The following THRAP3 variants were observed in gnomAD, a reference collection of about 807,000 sequenced individuals.
THRAP3 encodes the protein thyroid hormone receptor-associated protein 3.
THRAP3 carries 16 observed loss-of-function variants against 101.0 expected under a neutral mutation model. That is an observed-to-expected ratio of 0.16 (90% CI 0.11 to 0.24). The LOEUF (loss-of-function observed/expected upper bound fraction) is 0.24, where lower values mean the gene tolerates loss of function less well. Ranked by LOEUF, THRAP3 falls within the 10% of genes least tolerant of loss-of-function variation. The pLI, the probability that THRAP3 is intolerant of heterozygous loss-of-function variation, is 1.00. For synonymous variants in THRAP3, 407 were observed against 422.6 expected (o/e 0.96, Z 0.45); for missense variants, 989 against 1,202.7 (o/e 0.82, Z 2.63).
intron 1 of THRAP3, among the ~76,000 whole-genome samples, chr1:36,258,895 T>A (rs1265247668): frequency 6.6e-6 from 1 of 152,250 alleles, no homozygotes. Context: ...TGGACATAGC[T>A]TTGATGTATG....
chr1:36,293,028 C>CTTTTTTTTT (rs71053920), intron 7 of THRAP3, among the ~76,000 whole-genome samples: 23,105 of 82,322 alleles, frequency 0.28, 6,774 homozygotes, highest in South Asian at 0.37. Flanking sequence ...CTTTTCTTGT[C>CTTTTTTTTT]TTTTTTTTTT....
rs58306701 is a variant in THRAP3 at position 36,253,760 on chromosome 1, A to ATTTTTTTTTTTT, written c.-134-5614_-134-5603dup. ...AGGCGTACACCATTGAGTCAGGCTAATTTTTTTTTTTTTTTTTTTAGTTTT... is the reference window on the plus strand; with the variant it reads ...AGGCGTACACCATTGAGTCAGGCTAATTTTTTTTTTTTTTTTTTTTTTTTTTTTTTTAGTTTT... On this transcript the variant is annotated intron_variant, in intron 1 of 11. Coordinates refer to ENST00000354618, the MANE Select transcript of THRAP3 (RefSeq NM_005119.4). Among the ~76,000 whole-genome samples the ATTTTTTTTTTTT allele has an allele frequency of 3.2e-3, 317 of 100,180 alleles. 14 individuals carry two copies. The highest frequency in any genetic ancestry group is 0.011 in the East Asian group (37 of 3,330). 65.7% of individuals were successfully genotyped at this position (100,180 alleles called of 152,430 possible). A position where few individuals can be genotyped will look rare whatever the true frequency, so the allele number is the denominator to read the frequency against.
Position 36,282,533 on chromosome 1 carries a change from G to A in THRAP3, c.-31G>A. On this transcript the variant is annotated splice_region_variant and 5_prime_UTR_variant, in exon 3 of 12. The change creates a new upstream start codon in the 5' untranslated region. Transcript: ENST00000354618. ...GTTCTAATGCATTTTCTTACATTAG[G>A]TGTAATTGAAAAGTGATCCTCTCTT... The A allele has an allele frequency of 6.2e-7, 1 of 1,607,464 alleles. No individual in the cohort carries two copies. The highest frequency in any genetic ancestry group is 8.5e-7 in the Non-Finnish European group (1 of 1,175,764).
chr1:36,279,334 G>C (rs543995657), intron 2 of THRAP3, among the ~76,000 whole-genome samples: 1 of 152,138 alleles, frequency 6.6e-6, no homozygotes, highest in African/African-American at 2.4e-5. Flanking sequence ...GGCAGACATA[G>C]ATAGATATCC....
chr1:36,222,011 C>T (rs1644905038), upstream of THRAP3, among the ~76,000 whole-genome samples: 1 of 152,032 alleles, frequency 6.6e-6, no homozygotes, highest in South Asian at 2.1e-4. Flanking sequence ...AGGGTTTCAT[C>T]ATGTTGGCCA....
At chr1:36,268,925 C>T (rs542030314) in intron 2 of THRAP3, among the ~76,000 whole-genome samples, 6 of 152,390 alleles carry the variant, frequency 3.9e-5, no homozygotes, top group East Asian at 1.9e-4. Context: ...GGGGTTTCAC[C>T]ATGTTGGCCA....
chr1:36,234,967 C>T (rs564364106), intron 1 of THRAP3, among the ~76,000 whole-genome samples: 15 of 152,246 alleles, frequency 9.9e-5, no homozygotes, highest in African/African-American at 3.6e-4. Flanking sequence ...GCATCCACTA[C>T]CGCGCCTGGC....
chr1:36,247,573 G>A (rs1256452256), intron 1 of THRAP3, among the ~76,000 whole-genome samples: 3 of 151,676 alleles, frequency 2.0e-5, no homozygotes, highest in Non-Finnish European at 1.5e-5. Flanking sequence ...TGATCCACCC[G>A]CCTCAGCCTC....
rs1204123989 is a variant in THRAP3 at position 36,244,011 on chromosome 1, G to A, written c.-134-15371G>A. On this transcript the variant is annotated intron_variant, in intron 1 of 11. Transcript: ENST00000354618. ...TCCCTCCCGGACGGGGCGGCTGGCC[G>A]GGCGGGGGGCTGACCCCCCCACCTC... Among the ~76,000 whole-genome samples the A allele has an allele frequency of 2.7e-3, 377 of 137,978 alleles. 2 individuals carry two copies. Among genetic ancestry groups the A allele is most frequent in the African/African-American group, 9.2e-3 (342 of 37,232 alleles). 90.5% of individuals were successfully genotyped at this position (137,978 alleles called of 152,430 possible).
chr1:36,281,850 T>G (rs1030803319), intron 2 of THRAP3, among the ~76,000 whole-genome samples: 3 of 151,972 alleles, frequency 2.0e-5, no homozygotes, highest in Admixed American at 2.0e-4. Context: ...CCGGGCAGAT[T>G]ACCTGAGGTC....
chr1:36,303,690 G>T, intron 11 of THRAP3, 106 bp from the exon 12 acceptor site: 1 of 1,543,226 alleles, frequency 6.5e-7, no homozygotes. Flanking sequence ...GGCTGGGTTA[G>T]GGCACAGGTT....
At chr1:36,285,957 A>G (rs1343424236) in intron 3 of THRAP3, among the ~76,000 whole-genome samples, 1 of 152,208 alleles carries the variant, frequency 6.6e-6, no homozygotes, top group African/African-American at 2.4e-5. Flanking sequence ...TCTAGGTACC[A>G]CAGCTCACAG....
chr1:36,239,290 C>T (rs7545668), intron 1 of THRAP3, among the ~76,000 whole-genome samples: 1,698 of 127,174 alleles, frequency 0.013, 39 homozygotes, highest in African/African-American at 0.047. Context: ...GTCAGCTTCT[C>T]GCTCTATTAC....
At chr1:36,266,341 C>T (rs750686450) in intron 2 of THRAP3, among the ~76,000 whole-genome samples, 1 of 152,088 alleles carries the variant, frequency 6.6e-6, no homozygotes, top group South Asian at 2.1e-4. Context: ...TGACAAACAA[C>T]AACAACAACA....
chr1:36,213,525 A>AT, the THRAP3 span, among the ~76,000 whole-genome samples: 1 of 151,954 alleles, frequency 6.6e-6, no homozygotes. Context: ...TTCCTCTGAG[A>AT]TTTTGAAGCT....
chr1:36,227,524 C>T (rs371428632), intron 1 of THRAP3, among the ~76,000 whole-genome samples: 6 of 152,070 alleles, frequency 3.9e-5, no homozygotes, highest in African/African-American at 1.2e-4. Flanking sequence ...TTAGGTGATC[C>T]GCCTGCCTCG....
chr1:36,258,118 C>T (rs962901730), intron 1 of THRAP3, among the ~76,000 whole-genome samples: 2 of 152,190 alleles, frequency 1.3e-5, no homozygotes, highest in African/African-American at 4.8e-5. Context: ...GGATTACAGG[C>T]ATGAGCCACC....
chr1:36,241,405 A>G (rs1054346876), intron 1 of THRAP3, among the ~76,000 whole-genome samples: 3 of 64,422 alleles, frequency 4.7e-5, no homozygotes, highest in Admixed American at 1.4e-4. Flanking sequence ...ATATATATAT[A>G]TATATATATA....
intron 2 of THRAP3, among the ~76,000 whole-genome samples, chr1:36,271,861 T>C (rs1246610220): frequency 6.6e-6 from 1 of 152,116 alleles, no homozygotes; most frequent in Non-Finnish European, 1.5e-5. Context: ...CCCAAAGTGC[T>C]GGGATTACAG....
Sources: allele counts gnomAD v4.1 joint callset (sites outside exome capture counted in the v4.1 genomes callset), GRCh38; gene constraint gnomAD v4.1.1; transcripts MANE v1.5; gene names NCBI Gene and HGNC (gene_info 2026-07-23, HGNC 2026-07-21).